Variants in NNT observed in about 807,000 individuals in gnomAD.
The protein encoded by NNT is NAD(P) transhydrogenase, mitochondrial.
A neutral mutation model predicts 104.8 loss-of-function variants in NNT; 50 were observed. The ratio of observed to expected loss-of-function variants is 0.48; its 90% CI spans 0.38 to 0.60. The LOEUF is 0.60. NNT is among the 20% of genes least tolerant of loss of function. NNT has a pLI of 0.00. For missense variants in NNT, 1,131 were observed against 1,330.7 expected (o/e 0.85, Z 2.33); for synonymous variants, 461 against 490.4 (o/e 0.94, Z 0.79).
intron 19 of NNT, among the ~76,000 whole-genome samples, chr5:43,698,148 G>A (rs181670298): frequency 6.6e-6 from 1 of 151,242 alleles, no homozygotes; most frequent in Non-Finnish European, 1.5e-5. Flanking sequence ...GCTTAATATG[G>A]ATGAATATAT....
At chr5:43,611,361 CA>C (rs1347852482) in intron 2 of NNT, among the ~76,000 whole-genome samples, 1 of 152,122 alleles carries the variant, frequency 6.6e-6, no homozygotes, top group Admixed American at 6.5e-5. Context: ...CTTATTTGGT[CA>C]GTGGAAGCCC....
chr5:43,629,246 TACTTCAC>T (rs900375840), intron 7 of NNT, among the ~76,000 whole-genome samples: 1 of 152,198 alleles, frequency 6.6e-6, no homozygotes, highest in Non-Finnish European at 1.5e-5. Context: ...ATTCCTGAGT[TACTTCAC>T]TTAGAATAAT....
chr5:43,644,079 G>C, intron 7 of NNT, 113 bp from the exon 8 acceptor site: 1 of 1,015,252 alleles, frequency 9.8e-7, no homozygotes, highest in Non-Finnish European at 1.4e-6. Flanking sequence ...CTTGGAAAGA[G>C]TTAAAATTTC....
At chr5:43,680,732 C>G (rs2112127708) in intron 19 of NNT, among the ~76,000 whole-genome samples, 1 of 152,234 alleles carries the variant, frequency 6.6e-6, no homozygotes, top group Non-Finnish European at 1.5e-5. Flanking sequence ...GACAAGAACT[C>G]ATTTTAGAAT....
chr5:43,670,655 T>C (rs577282849), intron 17 of NNT, among the ~76,000 whole-genome samples: 16 of 152,338 alleles, frequency 1.1e-4, no homozygotes, highest in African/African-American at 3.6e-4. Context: ...GAGAGTTTGT[T>C]ATAATTTCTG....
chr5:43,678,050 A>G (rs1741513450), intron 19 of NNT, among the ~76,000 whole-genome samples: 1 of 152,262 alleles, frequency 6.6e-6, no homozygotes, highest in Non-Finnish European at 1.5e-5. Context: ...TATTATATGT[A>G]TTAAATAGTA....
intron 4 of NNT, among the ~76,000 whole-genome samples, chr5:43,617,513 T>C (rs1749853720): frequency 6.6e-6 from 1 of 152,170 alleles, no homozygotes; most frequent in Admixed American, 6.5e-5. Context: ...TCATCTAGTA[T>C]ACATATCCAT....
intron 19 of NNT, among the ~76,000 whole-genome samples, chr5:43,680,331 C>T (rs1741636742): frequency 6.6e-6 from 1 of 151,824 alleles, no homozygotes; most frequent in Non-Finnish European, 1.5e-5. Context: ...GCAGCAGTTA[C>T]CTCATATTTT....
At chr5:43,695,987 G>A (rs952974215) in intron 19 of NNT, among the ~76,000 whole-genome samples, 2 of 152,068 alleles carry the variant, frequency 1.3e-5, no homozygotes, top group South Asian at 4.2e-4. Context: ...TAGAGACACA[G>A]CCAAACTGTA....
chr5:43,639,458 G>A (rs963775258), intron 7 of NNT, among the ~76,000 whole-genome samples: 27 of 152,050 alleles, frequency 1.8e-4, no homozygotes, highest in African/African-American at 6.5e-4. Context: ...CCAAATAACT[G>A]CCAACCAATT....
chr5:43,692,785 T>A (rs1580125402), intron 19 of NNT, among the ~76,000 whole-genome samples: 1 of 152,240 alleles, frequency 6.6e-6, no homozygotes, highest in African/African-American at 2.4e-5. Flanking sequence ...GTTATCAGTA[T>A]TGATTCCTGG....
chr5:43,703,843 A>T (rs1318385381), intron 21 of NNT, among the ~76,000 whole-genome samples: 1 of 152,168 alleles, frequency 6.6e-6, no homozygotes, highest in Non-Finnish European at 1.5e-5. Context: ...TTGTTTTCCC[A>T]CTCAACCTCA....
chr5:43,672,104 G>A (rs894177475), intron 17 of NNT, among the ~76,000 whole-genome samples: 7 of 152,124 alleles, frequency 4.6e-5, no homozygotes, highest in South Asian at 4.1e-4. Context: ...CATTCATCAC[G>A]TAGTTTTTGT....
chr5:43,667,308 C>T lies in NNT; in HGVS notation c.2634+7958C>T, dbSNP rs1355889126. On this transcript the variant is annotated intron_variant, in intron 17 of 21. Transcript: ENST00000344920. ...TTATTATACTTTAAGTTCTAGGGTA[C>T]ATGTGCACAACGTGCAGGTTTGTTA... is the stretch of plus-strand genomic sequence containing the variant. The T allele has an allele frequency of 8.4e-5, 53 of 630,822 alleles. No homozygotes were observed. In the East Asian group the frequency reaches 1.5e-3, roughly 17 times the overall value. 39.1% of individuals were successfully genotyped at this position (630,822 alleles called of 1,614,324 possible).
intron 12 of NNT, 82 bp downstream of exon 12, chr5:43,650,669 A>C (rs113846506): frequency 3.9e-6 from 4 of 1,029,754 alleles, no homozygotes; most frequent in Non-Finnish European, 4.3e-6. Flanking sequence ...AATAGACATA[A>C]TTGTGCCTTC....
At chr5:43,695,691 C>T (rs1049604451) in intron 19 of NNT, among the ~76,000 whole-genome samples, 14 of 152,176 alleles carry the variant, frequency 9.2e-5, no homozygotes, top group African/African-American at 2.2e-4. Flanking sequence ...TAAAGACTTA[C>T]GTGAGATTGG....
rs1397414108 is a variant in NNT, at chr5:43,644,647, C to T, written c.1135C>T (p.Arg379Ter). The change falls in exon 9 of 22, where the codon CGA becomes TGA. Residue 379 changes from arginine (R) to a stop codon, truncating the protein, a stop_gained. Transcript: ENST00000344920. LOFTEE classifies it high-confidence loss of function. The stretch of plus-strand genomic sequence containing the variant: ...CATAGGCTACACAGACCTGCCCAGC[C>T]GAATGGCCACTCAGGCCAGCACCCT... ...THIGYTDLPS[R>*]MATQASTLYS... 5.0e-6 allele frequency: 8 copies of T among 1,613,924 alleles called. No homozygotes were observed. The highest frequency in any genetic ancestry group is 1.3e-5 in the African/African-American group (1 of 74,918).
At chr5:43,689,054 T>G (rs1475229849) in intron 19 of NNT, among the ~76,000 whole-genome samples, 1 of 152,124 alleles carries the variant, frequency 6.6e-6, no homozygotes, top group Non-Finnish European at 1.5e-5. Flanking sequence ...CCACCAACCT[T>G]TATTATTTTT....
At chr5:43,609,120 C>T in intron 1 of NNT, 23 bp from the exon 2 acceptor site, 13 of 1,155,772 alleles carry the variant, frequency 1.1e-5, no homozygotes, top group Admixed American at 2.1e-5. Flanking sequence ...GGCATATATA[C>T]ATCCTATTTT....
Sources: gnomAD v4.1 joint callset for allele counts (sites outside exome capture counted in the v4.1 genomes callset) on GRCh38, gnomAD v4.1.1 for gene constraint, MANE v1.5 for transcripts, NCBI Gene and HGNC (gene_info 2026-07-23, HGNC 2026-07-21) for gene names.